RNF216: variants seen among roughly 807,000 people sequenced by gnomAD.
RNF216 encodes E3 ubiquitin-protein ligase RNF216.
In RNF216, 72 loss-of-function variants were observed where a neutral mutation model predicts 110.8. The ratio of observed to expected loss-of-function variants is 0.65; its 90% CI spans 0.54 to 0.79. The LOEUF is 0.79. RNF216 is among the 30% of genes least tolerant of loss of function. The pLI is 0.00. For synonymous variants in RNF216, 495 were observed against 407.5 expected, an observed-to-expected ratio of 1.21 and a Z score of -2.59; for missense variants, 1,342 against 1,141.2, an observed-to-expected ratio of 1.18 and a Z score of -2.54.
intron 14 of RNF216, among the ~76,000 whole-genome samples, chr7:5,646,628 G>A (rs1584370098): frequency 6.6e-6 from 1 of 151,830 alleles, no homozygotes; most frequent in Non-Finnish European, 1.5e-5. Flanking sequence ...GGGAGGCGGA[G>A]GTTGCAGTGA....
At chr7:5,669,631 G>A (rs191289627) in intron 13 of RNF216, among the ~76,000 whole-genome samples, 35 of 152,246 alleles carry the variant, frequency 2.3e-4, no homozygotes, top group Admixed American at 8.5e-4. Context: ...AGTGGTTCAC[G>A]CCTGTAATCC....
In RNF216 at chr7:5,680,596, G is replaced by C. The variant is rs1174592559; in HGVS notation, c.2062-28086C>G. On this transcript the variant is annotated intron_variant, in intron 13 of 16. Coordinates refer to ENST00000389902, the MANE Select transcript of RNF216 (RefSeq NM_207111.4). This position sits in a 1 kb window ranked among gnomAD's most constrained non-coding sequence, Gnocchi z 4.3. ...TTTTTTGTATTTTACTAGAGACGGGGTTTCACCATGTTGGCCAGGATGGTC... is the reference window on the plus strand; with the variant it reads ...TTTTTTGTATTTTACTAGAGACGGGCTTTCACCATGTTGGCCAGGATGGTC... 6.6e-6 allele frequency: 1 copy of C among 152,184 alleles called. No individual in the cohort carries two copies. The highest frequency in any genetic ancestry group is 1.5e-5 in the Non-Finnish European group (1 of 68,124). 9.4% of individuals were successfully genotyped at this position (152,184 alleles called of 1,614,324 possible).
chr7:5,756,890 C>A (rs34865088), intron 2 of RNF216, among the ~76,000 whole-genome samples: 20,459 of 152,184 alleles, frequency 0.13, 3,085 homozygotes, highest in African/African-American at 0.37. Flanking sequence ...CCCACTTTGG[C>A]CTTCCAAAGT....
At chr7:5,633,027 T>C (rs1175163922) in intron 15 of RNF216, among the ~76,000 whole-genome samples, 3 of 151,794 alleles carry the variant, frequency 2.0e-5, no homozygotes, top group African/African-American at 7.2e-5. Context: ...TCGCCCAGGC[T>C]GGAGTGCAGT....
chr7:5,698,788 A>G (rs769781964), intron 13 of RNF216, among the ~76,000 whole-genome samples: 1 of 152,178 alleles, frequency 6.6e-6, no homozygotes, highest in Admixed American at 6.5e-5. Flanking sequence ...TTGTGCAGAG[A>G]AACTACACAG....
chr7:5,772,466 G>A (rs934044173), intron 1 of RNF216, among the ~76,000 whole-genome samples: 2 of 152,120 alleles, frequency 1.3e-5, no homozygotes, highest in Non-Finnish European at 2.9e-5. Context: ...GAGTGCAGTG[G>A]TGCGATCTCG....
At chr7:5,743,563 G>T (rs995963341) in intron 3 of RNF216, among the ~76,000 whole-genome samples, 2 of 152,124 alleles carry the variant, frequency 1.3e-5, no homozygotes, top group Non-Finnish European at 2.9e-5. Context: ...AAAGCAAGCT[G>T]CAAAATCATA....
At chr7:5,781,261 G>C (rs942670377) in intron 1 of RNF216, among the ~76,000 whole-genome samples, 1 of 152,118 alleles carries the variant, frequency 6.6e-6, no homozygotes, top group African/African-American at 2.4e-5. Flanking sequence ...AGACCCGAGG[G>C]GCCGGCCCGC....
chr7:5,652,105 A>G (rs1179637291), intron 14 of RNF216, among the ~76,000 whole-genome samples: 1 of 152,154 alleles, frequency 6.6e-6, no homozygotes, highest in African/African-American at 2.4e-5. Flanking sequence ...CATAAGCAAC[A>G]CTAGTGCAGT....
chr7:5,641,145 T>A lies in RNF216; in HGVS notation c.2382+9A>T. On this transcript the variant is annotated intron_variant, in intron 15 of 16. Transcript: ENST00000389902. The stretch of plus-strand genomic sequence containing the variant: ...CTATAAAGCAATAGGCAGCCATGTG[T>A]CTACTTACAGTGGGATCGGTCCAGA... 1.3e-6 allele frequency: 2 copies of A among 1,595,540 alleles called. No individual in the cohort carries two copies. Among genetic ancestry groups the A allele is most frequent in the Non-Finnish European group, 1.7e-6 (2 of 1,163,742 alleles).
At chr7:5,699,391 A>T (rs1791825868) in intron 13 of RNF216, among the ~76,000 whole-genome samples, 1 of 152,244 alleles carries the variant, frequency 6.6e-6, no homozygotes, top group Non-Finnish European at 1.5e-5. Context: ...CTTTGAGCAG[A>T]TAAGGAGTAA....
intron 13 of RNF216, among the ~76,000 whole-genome samples, chr7:5,691,061 C>G (rs546844535): frequency 7.9e-5 from 12 of 152,172 alleles, no homozygotes; most frequent in Non-Finnish European, 1.3e-4. Context: ...CACAGCCGTG[C>G]AAAGAACTCT....
At chr7:5,653,259 G>T (rs1200929934) in intron 13 of RNF216, among the ~76,000 whole-genome samples, 1 of 152,010 alleles carries the variant, frequency 6.6e-6, no homozygotes, top group Non-Finnish European at 1.5e-5. Flanking sequence ...TTTATAAAAT[G>T]CTTTCATATG....
intron 15 of RNF216, among the ~76,000 whole-genome samples, chr7:5,633,194 G>C (rs1787182953): frequency 6.6e-6 from 1 of 151,884 alleles, no homozygotes; most frequent in Non-Finnish European, 1.5e-5. Context: ...GGCCAGGCTG[G>C]TCTCGAACTC....
chr7:5,669,053 G>C (rs1789724628), intron 13 of RNF216, among the ~76,000 whole-genome samples: 1 of 152,218 alleles, frequency 6.6e-6, no homozygotes, highest in African/African-American at 2.4e-5. Context: ...GAGCATTAGA[G>C]AGTATTTCAA....
chr7:5,644,848 G>A (rs1247456131), intron 14 of RNF216, among the ~76,000 whole-genome samples: 13 of 134,766 alleles, frequency 9.6e-5, no homozygotes, highest in African/African-American at 1.8e-4. Context: ...TTTTTGAAAC[G>A]GAGTCTTGCT....
chr7:5,649,901 T>C (rs1185950283), intron 14 of RNF216: 1 of 152,240 alleles, frequency 6.6e-6, no homozygotes, highest in Non-Finnish European at 1.5e-5. Flanking sequence ...TCCTGTCTGT[T>C]CGATAATCAG....
intron 13 of RNF216, among the ~76,000 whole-genome samples, chr7:5,685,023 T>G (rs1416511924): frequency 1.3e-5 from 2 of 151,818 alleles, no homozygotes; most frequent in Non-Finnish European, 2.9e-5. Context: ...GTGAAGAGAG[T>G]GCCCAGGATT....
intron 13 of RNF216, among the ~76,000 whole-genome samples, chr7:5,683,747 G>C (rs1008945846): frequency 4.6e-5 from 7 of 152,172 alleles, no homozygotes; most frequent in Admixed American, 2.0e-4. Flanking sequence ...AAAGTGCTCA[G>C]CACAGCAGTA....
Sources: gnomAD v4.1 joint callset for allele counts (sites outside exome capture counted in the v4.1 genomes callset) on GRCh38, gnomAD v4.1.1 for gene constraint, Gnocchi (gnomAD v3.1) non-coding constraint, MANE v1.5 for transcripts, NCBI Gene and HGNC (gene_info 2026-07-23, HGNC 2026-07-21) for gene names.